FRMPD2: variants seen among roughly 807,000 people sequenced by gnomAD.
FRMPD2 encodes FERM and PDZ domain containing 2, also known as FERM and PDZ domain-containing protein 2.
A neutral mutation model predicts 140.1 loss-of-function variants in FRMPD2; 96 were observed. The observed-to-expected ratio is 0.69, with a 90% CI of 0.58 to 0.81. The LOEUF (loss-of-function observed/expected upper bound fraction) is 0.81. FRMPD2 is among the 40% of genes least tolerant of loss of function. The pLI is 0.00. For synonymous variants in FRMPD2, 449 were observed against 547.6 expected, an observed-to-expected ratio of 0.82 and a Z score of 2.52; for missense variants, 1,240 against 1,447.4, an observed-to-expected ratio of 0.86 and a Z score of 2.32.
intron 23 of FRMPD2, 81 bp from the exon 24 acceptor site, chr10:48,175,036 A>T: frequency 1.6e-6 from 1 of 638,520 alleles, no homozygotes; most frequent in Non-Finnish European, 2.6e-6. Flanking sequence ...CCTGCCCGGC[A>T]CCCCTCCATG....
chr10:48,231,941 G>A (rs112087242), intron 10 of FRMPD2, among the ~76,000 whole-genome samples, 174 bp downstream of exon 10: 5 of 152,320 alleles, frequency 3.3e-5, no homozygotes, highest in African/African-American at 1.2e-4. Context: ...GCACTTGCTT[G>A]ATGCTTTATC....
chr10:48,254,141 T>C (rs1840444197), intron 1 of FRMPD2, among the ~76,000 whole-genome samples: 4 of 152,286 alleles, frequency 2.6e-5, no homozygotes, highest in Middle Eastern at 6.8e-3. Context: ...GCATTCCAGT[T>C]TTCGGCACCA....
intron 15 of FRMPD2, among the ~76,000 whole-genome samples, chr10:48,197,727 A>G (rs1445835447): frequency 6.6e-6 from 1 of 152,184 alleles, no homozygotes; most frequent in Admixed American, 6.5e-5. Context: ...ATGCCTAGAC[A>G]TTGACAGCAG....
At chr10:48,239,204 C>G (rs551252923) in intron 7 of FRMPD2, among the ~76,000 whole-genome samples, 1 of 152,326 alleles carries the variant, frequency 6.6e-6, no homozygotes. Context: ...AGAAGACCTC[C>G]CAGCTGAGCA....
At chr10:48,215,429 C>T (rs1839423116) in intron 12 of FRMPD2, among the ~76,000 whole-genome samples, 1 of 152,196 alleles carries the variant, frequency 6.6e-6, no homozygotes. Context: ...CCTGGTTGCG[C>T]TCTTTCTAGC....
chr10:48,219,487 C>T (rs1839530862), intron 12 of FRMPD2, among the ~76,000 whole-genome samples: 1 of 152,138 alleles, frequency 6.6e-6, no homozygotes, highest in South Asian at 2.1e-4. Context: ...ATTCAGATGT[C>T]ATGTCACACT....
At chr10:48,193,346 T>C (rs1838883045) in intron 15 of FRMPD2, among the ~76,000 whole-genome samples, 1 of 152,128 alleles carries the variant, frequency 6.6e-6, no homozygotes, top group African/African-American at 2.4e-5. Context: ...CTCTGTGGAG[T>C]ATAACCTTTA....
chr10:48,184,710 C>T, intron 19 of FRMPD2, 28 bp from the exon 20 acceptor site: 1 of 1,593,454 alleles, frequency 6.3e-7, no homozygotes, highest in South Asian at 1.1e-5. Context: ...CTCAATAATC[C>T]TTCAAGGAAA....
At chr10:48,185,672 T>C (rs1192385074) in intron 17 of FRMPD2, 27 bp from the exon 18 acceptor site, 1 of 1,562,584 alleles carries the variant, frequency 6.4e-7, no homozygotes. Context: ...AGCACCACAT[T>C]GTGCTTTTCC....
At chr10:48,268,167 G>A (rs1387859487) in intron 1 of FRMPD2, among the ~76,000 whole-genome samples, 4 of 152,092 alleles carry the variant, frequency 2.6e-5, no homozygotes, top group Non-Finnish European at 4.4e-5. Context: ...GAAGGCAAAT[G>A]AAGTCTATAA....
At chr10:48,198,663 T>G (rs1839008532) in intron 15 of FRMPD2, among the ~76,000 whole-genome samples, 1 of 152,226 alleles carries the variant, frequency 6.6e-6, no homozygotes, top group Non-Finnish European at 1.5e-5. Flanking sequence ...GTAAATTGCT[T>G]TGGGCAATAT....
At chr10:48,172,717 G>T (rs1292376461) in intron 25 of FRMPD2, among the ~76,000 whole-genome samples, 1 of 151,978 alleles carries the variant, frequency 6.6e-6, no homozygotes, top group Non-Finnish European at 1.5e-5. Flanking sequence ...AAGGCTGGGG[G>T]CAGAAAGATG....
At chr10:48,234,763 T>TG (rs1839928906) in intron 9 of FRMPD2, among the ~76,000 whole-genome samples, 1 of 152,106 alleles carries the variant, frequency 6.6e-6, no homozygotes, top group South Asian at 2.1e-4. Flanking sequence ...CCTCTGAGGA[T>TG]TATAACTAGG....
intron 1 of FRMPD2, among the ~76,000 whole-genome samples, chr10:48,258,309 C>T (rs772420197): frequency 6.6e-5 from 10 of 152,356 alleles, no homozygotes; most frequent in Non-Finnish European, 1.5e-4. Context: ...CTGGAATTCT[C>T]TCACAGTCAG....
chr10:48,229,694 T>C (rs1409718747), intron 10 of FRMPD2, among the ~76,000 whole-genome samples: 1 of 152,170 alleles, frequency 6.6e-6, no homozygotes. Context: ...TATGTTAAAA[T>C]GATATATGCC....
At chr10:48,161,482 G>A (rs1194836401) in intron 28 of FRMPD2, among the ~76,000 whole-genome samples, 1 of 151,844 alleles carries the variant, frequency 6.6e-6, no homozygotes, top group Non-Finnish European at 1.5e-5. Flanking sequence ...GAAGATGTGG[G>A]AGCAAATCAC....
intron 25 of FRMPD2, among the ~76,000 whole-genome samples, chr10:48,172,496 G>A (rs544900428): frequency 2.6e-5 from 4 of 152,280 alleles, no homozygotes; most frequent in South Asian, 2.1e-4. Flanking sequence ...ACGATCTTTC[G>A]TTTGCCTTTT....
chr10:48,212,704 A>G (rs1320254258), intron 12 of FRMPD2, among the ~76,000 whole-genome samples: 1 of 152,146 alleles, frequency 6.6e-6, no homozygotes. Flanking sequence ...AGCCCCCTGG[A>G]AAAGGGGAGA....
chr10:48,188,694 G>A (rs1838753632), intron 16 of FRMPD2, among the ~76,000 whole-genome samples: 2 of 152,236 alleles, frequency 1.3e-5, no homozygotes, highest in African/African-American at 2.4e-5. Context: ...GGGAGGAGCC[G>A]AGAGAGGCGA....
Sources: allele counts gnomAD v4.1 joint callset (sites outside exome capture counted in the v4.1 genomes callset), GRCh38; gene constraint gnomAD v4.1.1; transcripts MANE v1.5; gene names NCBI Gene and HGNC (gene_info 2026-07-23, HGNC 2026-07-21).